Variants in KCNH8 observed in about 807,000 individuals in gnomAD.
KCNH8 encodes the protein potassium voltage-gated channel subfamily H member 8.
Under a neutral mutation model 103.6 loss-of-function variants are expected in KCNH8, and 70 were observed. That is an observed-to-expected ratio of 0.68 (90% confidence interval 0.56 to 0.82). The LOEUF (loss-of-function observed/expected upper bound fraction) is 0.82, where lower values mean the gene tolerates loss of function less well. KCNH8 is among the 40% of genes least tolerant of loss of function. The pLI is 0.00. For synonymous variants in KCNH8, 498 were observed against 489.4 expected (o/e 1.02, Z -0.23); for missense variants, 1,217 against 1,329.9 (o/e 0.92, Z 1.32).
chr3:19,515,651 T>G (rs1246403312), intron 14 of KCNH8, among the ~76,000 whole-genome samples: 2 of 152,022 alleles, frequency 1.3e-5, no homozygotes, highest in East Asian at 3.9e-4. Flanking sequence ...AGCTACCATT[T>G]AGCAGCGAAG....
chr3:19,167,639 C>T (rs1217243468), intron 1 of KCNH8, among the ~76,000 whole-genome samples: 1 of 152,144 alleles, frequency 6.6e-6, no homozygotes, highest in Non-Finnish European at 1.5e-5. Flanking sequence ...AAGTGAATGG[C>T]AATCCAGTTA....
chr3:19,458,571 T>A (rs1412362159), intron 11 of KCNH8, among the ~76,000 whole-genome samples: 2 of 151,956 alleles, frequency 1.3e-5, no homozygotes, highest in African/African-American at 4.8e-5. Flanking sequence ...AATGTATGCA[T>A]TTCCTCACGT....
intron 7 of KCNH8, among the ~76,000 whole-genome samples, chr3:19,407,008 A>C (rs2066702203): frequency 6.6e-6 from 1 of 152,172 alleles, no homozygotes; most frequent in Non-Finnish European, 1.5e-5. Flanking sequence ...CTGAAGATCG[A>C]AATATATTTT....
intron 1 of KCNH8, among the ~76,000 whole-genome samples, chr3:19,219,691 G>A (rs2063853212): frequency 6.6e-6 from 1 of 152,120 alleles, no homozygotes; most frequent in Non-Finnish European, 1.5e-5. Flanking sequence ...ATTCTTATGG[G>A]TGCTTGCCAT....
chr3:19,371,889 T>C (rs1363800986), intron 5 of KCNH8, among the ~76,000 whole-genome samples: 2 of 150,554 alleles, frequency 1.3e-5, no homozygotes, highest in African/African-American at 2.4e-5. Context: ...CATTGCTTGT[T>C]TTTCTCAGGT....
intron 1 of KCNH8, among the ~76,000 whole-genome samples, chr3:19,211,898 A>G (rs1447159820): frequency 1.3e-5 from 2 of 152,198 alleles, no homozygotes; most frequent in African/African-American, 4.8e-5. Context: ...TACTAGTGTT[A>G]GGACAAAATG....
At chr3:19,405,613 T>C (rs2066679993) in intron 7 of KCNH8, among the ~76,000 whole-genome samples, 2 of 151,910 alleles carry the variant, frequency 1.3e-5, no homozygotes, top group South Asian at 4.1e-4. Context: ...TGATGCTTGA[T>C]AAAGTTCTGT....
intron 15 of KCNH8, among the ~76,000 whole-genome samples, chr3:19,529,203 T>TGAG (rs1376554195): frequency 6.6e-6 from 1 of 152,220 alleles, no homozygotes; most frequent in Non-Finnish European, 1.5e-5. Context: ...TTTTCTAATA[T>TGAG]GAGTGTCAGA....
chr3:19,385,999 T>C (rs1419042893), intron 5 of KCNH8, among the ~76,000 whole-genome samples: 1 of 152,160 alleles, frequency 6.6e-6, no homozygotes, highest in African/African-American at 2.4e-5. Flanking sequence ...TTAAAATTAT[T>C]TCCCATTTGT....
intron 2 of KCNH8, among the ~76,000 whole-genome samples, chr3:19,260,800 C>CTTTGTT (rs2064424147): frequency 1.3e-5 from 2 of 148,412 alleles, no homozygotes; most frequent in Non-Finnish European, 3.0e-5. Flanking sequence ...TGTTCTTTGT[C>CTTTGTT]TCTATATATT....
chr3:19,466,726 C>T (rs765440035), intron 11 of KCNH8, among the ~76,000 whole-genome samples: 2 of 128,028 alleles, frequency 1.6e-5, no homozygotes, highest in South Asian at 2.6e-4. Flanking sequence ...TGCAATGACA[C>T]GATCTCAGCT....
Position 19,478,396 on chromosome 3 carries a change from A to G in KCNH8, c.2040+21414A>G, listed in dbSNP as rs567656739. 4.6e-5 allele frequency among the ~76,000 whole-genome samples: 7 copies of G among 152,254 alleles called. No homozygotes were observed. The East Asian group carries it at 1.4e-3, about 29-fold the overall frequency. On this transcript the variant is annotated intron_variant, in intron 11 of 15. Transcript: ENST00000328405. Reference sequence around the variant, plus strand: ...AAAGCTTGTACTAGTTTACCCACCAACAATGTATAAGCATTCCTTTTTCTC... The same window carrying G: ...AAAGCTTGTACTAGTTTACCCACCAGCAATGTATAAGCATTCCTTTTTCTC...
chr3:19,350,239 T>A (rs545692205), intron 5 of KCNH8, among the ~76,000 whole-genome samples: 1 of 152,248 alleles, frequency 6.6e-6, no homozygotes, highest in East Asian at 1.9e-4. Flanking sequence ...TAAGTTAAAA[T>A]ACTGGGGACA....
chr3:19,341,783 T>C (rs1458045498), intron 3 of KCNH8, among the ~76,000 whole-genome samples: 1 of 152,100 alleles, frequency 6.6e-6, no homozygotes, highest in Non-Finnish European at 1.5e-5. Context: ...CCAATATTCA[T>C]TTGATAGTTT....
chr3:19,382,145 A>G (rs865894413), intron 5 of KCNH8, among the ~76,000 whole-genome samples: 1 of 152,314 alleles, frequency 6.6e-6, no homozygotes, highest in Middle Eastern at 3.4e-3. Flanking sequence ...GTACATAGAA[A>G]CCTATAGTTT....
At chr3:19,489,058 T>G (rs1242164544) in intron 11 of KCNH8, among the ~76,000 whole-genome samples, 3 of 152,180 alleles carry the variant, frequency 2.0e-5, no homozygotes, top group Non-Finnish European at 4.4e-5. Flanking sequence ...GTAATATTGC[T>G]GTTCTCTCAG....
At chr3:19,333,948 C>A (rs1469482018) in intron 3 of KCNH8, among the ~76,000 whole-genome samples, 6 of 151,994 alleles carry the variant, frequency 3.9e-5, no homozygotes, top group Admixed American at 3.3e-4. Flanking sequence ...TTAAGCAGCA[C>A]TTTTGGGATA....
chr3:19,499,308 G>C (rs147930526), intron 11 of KCNH8, among the ~76,000 whole-genome samples: 1 of 152,132 alleles, frequency 6.6e-6, no homozygotes, highest in Non-Finnish European at 1.5e-5. Context: ...CCAAATCTAC[G>C]TCTGATTGAT....
chr3:19,420,591 G>T (rs1302099248), intron 7 of KCNH8, among the ~76,000 whole-genome samples: 1 of 152,094 alleles, frequency 6.6e-6, no homozygotes, highest in Non-Finnish European at 1.5e-5. Flanking sequence ...GTATATTTTG[G>T]AATATGTCGT....
Sources: allele counts gnomAD v4.1 joint callset (sites outside exome capture counted in the v4.1 genomes callset), GRCh38; gene constraint gnomAD v4.1.1; transcripts MANE v1.5; gene names NCBI Gene and HGNC (gene_info 2026-07-23, HGNC 2026-07-21).